Variants in PTPRH observed in about 807,000 individuals in gnomAD.
The protein encoded by PTPRH is receptor-type tyrosine-protein phosphatase H.
PTPRH carries 113 observed loss-of-function variants against 130.2 expected under a neutral mutation model. That is an observed-to-expected ratio of 0.87 (90% confidence interval 0.75 to 1.01). The LOEUF is 1.01. Ranked by LOEUF, PTPRH falls within the 50% of genes least tolerant of loss-of-function variation. PTPRH has a pLI of 0.00. For synonymous variants in PTPRH, 556 were observed against 577.9 expected (o/e 0.96, Z 0.54); for missense variants, 1,430 against 1,425.0 (o/e 1.00, Z -0.06).
At position 55,209,467 on chromosome 19, in the gene PTPRH, A is replaced by C; in HGVS notation, c.-34T>G. On this transcript the variant is annotated 5_prime_UTR_variant, in exon 1 of 20. Coordinates refer to ENST00000376350, the MANE Select transcript of PTPRH (RefSeq NM_002842.5). This position sits in a 1 kb window ranked among gnomAD's most constrained non-coding sequence, Gnocchi z 4.1. ...ACACTGCCGGGGACCCAGGAGTCCC[A>C]GGCCTAGTCCTTCCACCTGCTGGAC... The C allele has an allele frequency of 1.4e-6, 2 of 1,448,732 alleles. No homozygotes were observed. The highest frequency in any genetic ancestry group is 1.9e-6 in the Non-Finnish European group (2 of 1,054,116). The allele number at this position is 1,448,732 out of a possible 1,614,324, so 89.7% of individuals were successfully genotyped here. A position where few individuals can be genotyped will look rare whatever the true frequency, so the allele number is the denominator to read the frequency against.
rs779839685 is a variant in PTPRH at position 55,185,845 on chromosome 19, G to T, written c.2901+17C>A. The T allele has an allele frequency of 1.9e-6, 3 of 1,614,072 alleles. No individual in the cohort carries two copies. The South Asian group carries it at 3.3e-5, about 18-fold the overall frequency. On this transcript the variant is annotated intron_variant, in intron 17 of 19. Coordinates refer to ENST00000376350, the MANE Select transcript of PTPRH (RefSeq NM_002842.5). Reference sequence around the variant, plus strand: ...CAGGGGAAGGCTGAGGGCCAGGACGGGGCTGGACACACGCACCTGGAGGAG... The same window carrying T: ...CAGGGGAAGGCTGAGGGCCAGGACGTGGCTGGACACACGCACCTGGAGGAG...
At chr19:55,192,765 G>A (rs978813921) in intron 10 of PTPRH, among the ~76,000 whole-genome samples, 6 of 151,446 alleles carry the variant, frequency 4.0e-5, no homozygotes, top group African/African-American at 9.7e-5. Flanking sequence ...GTTAGCCAGG[G>A]TGGTCCTGAT....
Position 55,181,744 on chromosome 19 carries a change from C to A in PTPRH, c.*10G>T. On this transcript the variant is annotated 3_prime_UTR_variant, in exon 20 of 20. Coordinates refer to ENST00000376350, the MANE Select transcript of PTPRH (RefSeq NM_002842.5). ...GGATGCCTGGGCTGCCGACCCAGCC[C>A]CCTCGTCACTTAGACCTCCAACTTG... 6.2e-7 allele frequency: 1 copy of A among 1,614,006 alleles called. No individual in the cohort carries two copies. Among genetic ancestry groups the A allele is most frequent in the South Asian group, 1.1e-5 (1 of 91,066 alleles).
chr19:55,207,252 A>G, intron 1 of PTPRH, 53 bp from the exon 2 acceptor site: 21 of 1,586,412 alleles, frequency 1.3e-5, no homozygotes, highest in Non-Finnish European at 1.8e-5. Context: ...TCCTCCGCCC[A>G]GTGAGGCCGA....
intron 18 of PTPRH, among the ~76,000 whole-genome samples, chr19:55,182,518 C>T (rs1177987013): frequency 6.6e-6 from 1 of 152,046 alleles, no homozygotes; most frequent in Non-Finnish European, 1.5e-5. Context: ...AGCAAAACTC[C>T]CATCTCAAAA....
At chr19:55,186,161 C>T (rs1599975437) in intron 16 of PTPRH, 64 bp downstream of exon 16, 1 of 1,577,324 alleles carries the variant, frequency 6.3e-7, no homozygotes, top group East Asian at 2.3e-5. Flanking sequence ...GTGGGGTCTA[C>T]ATTGGATGAG....
chr19:55,188,738 G>C (rs1045632439), intron 12 of PTPRH, among the ~76,000 whole-genome samples: 28 of 152,116 alleles, frequency 1.8e-4, no homozygotes, highest in Admixed American at 1.8e-3. Context: ...CGGCCTGACT[G>C]CTCAGCAGCA....
In PTPRH at chr19:55,185,849, T is replaced by A. The variant is rs1235137843; in HGVS notation, c.2901+13A>T. On this transcript the variant is annotated intron_variant, in intron 17 of 19. Transcript: ENST00000376350. ...GGAAGGCTGAGGGCCAGGACGGGGC[T>A]GGACACACGCACCTGGAGGAGCAGC... 1 of 1,614,100 alleles carries A rather than the reference T, an allele frequency of 6.2e-7. No individual in the cohort carries two copies. The highest frequency in any genetic ancestry group is 1.1e-5 in the South Asian group (1 of 91,086).
chr19:55,183,453 C>T (rs1056895679), intron 18 of PTPRH, among the ~76,000 whole-genome samples: 2 of 146,892 alleles, frequency 1.4e-5, no homozygotes, highest in Non-Finnish European at 3.0e-5. Flanking sequence ...GCTGGGCGCA[C>T]TGGCTCACGC....
intron 14 of PTPRH, 62 bp from the exon 15 acceptor site, chr19:55,186,602 ACAGGCAGAG>A: frequency 6.4e-7 from 1 of 1,571,168 alleles, no homozygotes; most frequent in Admixed American, 1.7e-5. Flanking sequence ...AGACAAGACC[ACAGGCAGAG>A]AGACCCAGAG....
intron 6 of PTPRH, 71 bp from the exon 7 acceptor site, chr19:55,200,573 A>C (rs915526676): frequency 6.8e-7 from 1 of 1,471,518 alleles, no homozygotes; most frequent in African/African-American, 1.4e-5. Context: ...TGGGCCCCTC[A>C]CTGCCCTCAA....
At position 55,196,688 on chromosome 19, in the gene PTPRH, C is replaced by A. The variant is rs2086691050; in HGVS notation, c.2091G>T (p.Glu697Asp). ...AGCCCCGCTGTCCTCCCACCTCCAA[C>A]TCAAAGGCCTCGTAGCCTCCCTGGG... is the stretch of plus-strand genomic sequence containing the variant. ...SCPQGGYEAF[E>D]LEVGGQRGSQ... is the part of the protein sequence containing the mutation. The change falls in exon 10 of 20, where the codon GAG becomes GAT. Residue 697 changes from glutamate (E) to aspartate (D), a missense_variant. By Grantham distance (45) the Glu-to-Asp change is conservative. Coordinates refer to ENST00000376350, the MANE Select transcript of PTPRH (RefSeq NM_002842.5). 6.2e-7 allele frequency: 1 copy of A among 1,614,004 alleles called. No individual in the cohort carries two copies. The highest frequency in any genetic ancestry group is 1.1e-5 in the South Asian group (1 of 91,084).
chr19:55,198,912 A>T lies in PTPRH; in HGVS notation c.1421T>A (p.Val474Asp), dbSNP rs761192829. Residue 474 changes from valine (V) to aspartate (D), a missense_variant and splice_region_variant, in exon 8 of 20, where the codon GTC becomes GAC. Val to Asp is a radical substitution (Grantham distance 152). Coordinates refer to ENST00000376350, the MANE Select transcript of PTPRH (RefSeq NM_002842.5). ...GCTGAGGCTTGTCACTGCGTTGGGG[A>T]CTGGGAGAGGGAGCAGAGTCAGGAT... ...GSRQNVSISTVPNAVTSLSKQ... is the reference protein window; with the variant it reads ...GSRQNVSISTDPNAVTSLSKQ... 6.5e-5 allele frequency: 98 copies of T among 1,507,550 alleles called. No individual in the cohort carries two copies. Among genetic ancestry groups the T allele is most frequent in the Non-Finnish European group, 8.3e-5 (93 of 1,125,278 alleles). The allele number at this position is 1,507,550 out of a possible 1,614,324, so 93.4% of individuals were successfully genotyped here.
At chr19:55,191,857 C>G in intron 10 of PTPRH, 116 bp from the exon 11 acceptor site, 2 of 878,082 alleles carry the variant, frequency 2.3e-6, no homozygotes, top group East Asian at 4.9e-5. Flanking sequence ...CAGCTGACCC[C>G]CGAACATCAC....
At position 55,185,853 on chromosome 19, in the gene PTPRH, C is replaced by T. The variant is rs1485847898; in HGVS notation, c.2901+9G>A. On this transcript the variant is annotated intron_variant, in intron 17 of 19. Coordinates refer to ENST00000376350, the MANE Select transcript of PTPRH (RefSeq NM_002842.5). ...GGCTGAGGGCCAGGACGGGGCTGGACACACGCACCTGGAGGAGCAGCAGTT... is the reference window on the plus strand; with the variant it reads ...GGCTGAGGGCCAGGACGGGGCTGGATACACGCACCTGGAGGAGCAGCAGTT... The T allele has an allele frequency of 6.2e-7, 1 of 1,613,988 alleles. No homozygotes were observed. Among genetic ancestry groups the T allele is most frequent in the Non-Finnish European group, 8.5e-7 (1 of 1,180,030 alleles).
Position 55,209,404 on chromosome 19 carries a change from G to T in PTPRH, c.30C>A (p.Val10=), listed in dbSNP as rs1414097604. ...TTACCAGCAGCACCAGGTTCCCCCA[G>T]ACCCCGAGGCCCCCGCCAGCCCCAG... MAGAGGGLG[V]WGNLVLLGLC... is the part of the protein sequence containing the mutation. The change falls in exon 1 of 20, where the codon GTC becomes GTA. Residue 10 remains valine, a synonymous_variant. Coordinates refer to ENST00000376350, the MANE Select transcript of PTPRH (RefSeq NM_002842.5). This position sits in a 1 kb window ranked among gnomAD's most constrained non-coding sequence, Gnocchi z 4.1. 2.6e-6 allele frequency: 4 copies of T among 1,561,326 alleles called. No homozygotes were observed. The highest frequency in any genetic ancestry group is 3.5e-6 in the Non-Finnish European group (4 of 1,152,282).
rs561443668 is a variant in PTPRH at position 55,203,038 on chromosome 19, A to T, written c.887-716T>A. On this transcript the variant is annotated intron_variant, in intron 5 of 19. Transcript: ENST00000376350. The stretch of plus-strand genomic sequence containing the variant: ...GGGAGACAGAGACTCTGTCCCAAAA[A>T]AAAAAAAGGGCTGGGCACGGTGGCT... Among the ~76,000 whole-genome samples the T allele has an allele frequency of 3.4e-5, 5 of 149,122 alleles. No individual in the cohort carries two copies. In the South Asian group the frequency reaches 6.4e-4, roughly 19 times the overall value.
Position 55,203,033 on chromosome 19 carries a change from CA to C in PTPRH, c.887-712del, listed in dbSNP as rs75261116. 1.9e-3 allele frequency among the ~76,000 whole-genome samples: 233 copies of C among 122,070 alleles called. 1 individual carries two copies. The highest frequency in any genetic ancestry group is 0.012 in the Middle Eastern group (2 of 168). 80.1% of individuals were successfully genotyped at this position (122,070 alleles called of 152,430 possible). ...AGCCTGGGAGACAGAGACTCTGTCC[CA>C]AAAAAAAAAAAGGGCTGGGCACGGT... On this transcript the variant is annotated intron_variant, in intron 5 of 19. Transcript: ENST00000376350.
rs778130901 is a variant in PTPRH, at chr19:55,181,836, T to C, written c.3266A>G (p.Glu1089Gly). ...FLQQSAQAPA[E>G]KEVPYEDVEN... ...GACATCCTCATACGGGACTTCCTTCTCGGCTGGGGCCTGGGCTGACTGTTG... is the reference window on the plus strand; with the variant it reads ...GACATCCTCATACGGGACTTCCTTCCCGGCTGGGGCCTGGGCTGACTGTTG... Residue 1089 changes from glutamate (E) to glycine (G), a missense_variant, in exon 20 of 20, where the codon GAG (glutamate) becomes GGG (glycine). Glu to Gly is a moderately conservative substitution (Grantham distance 98). Transcript: ENST00000376350. The C allele has an allele frequency of 6.2e-7, 1 of 1,614,188 alleles. No individual in the cohort carries two copies. The highest frequency in any genetic ancestry group is 1.7e-5 in the Admixed American group (1 of 60,022).
Sources: allele counts gnomAD v4.1 joint callset (sites outside exome capture counted in the v4.1 genomes callset), GRCh38; gene constraint gnomAD v4.1.1; non-coding constraint Gnocchi (gnomAD v3.1); transcripts MANE v1.5; gene names NCBI Gene and HGNC (gene_info 2026-07-23, HGNC 2026-07-21).